ITGA9: variants seen among roughly 807,000 people sequenced by gnomAD.
ITGA9 encodes integrin subunit alpha 9.
In ITGA9, 56 loss-of-function variants were observed where a neutral mutation model predicts 127.8. The observed-to-expected ratio is 0.44, with a 90% CI of 0.35 to 0.55. ITGA9 has a LOEUF of 0.55. ITGA9 is among the 20% of genes least tolerant of loss of function. ITGA9 has a pLI of 0.00. For synonymous variants in ITGA9, 508 were observed against 514.5 expected (o/e 0.99, Z 0.17); for missense variants, 1,196 against 1,347.1 (o/e 0.89, Z 1.76).
At chr3:37,776,207 GGA>G (rs1243152224) in intron 23 of ITGA9, among the ~76,000 whole-genome samples, 1 of 152,120 alleles carries the variant, frequency 6.6e-6, no homozygotes, top group Non-Finnish European at 1.5e-5. Flanking sequence ...AGGAGGGAGA[GGA>G]GTAGAAAAAA....
Position 37,785,033 on chromosome 3 carries a change from C to T in ITGA9, c.2844C>T (p.Ala948=). The change falls in exon 26 of 28, where the codon GCC becomes GCT. Residue 948 remains alanine, a synonymous_variant. Transcript: ENST00000264741. ...MSRAKVKVDP[A]LRVVEIAHGN... is the part of the protein sequence containing the mutation. The stretch of plus-strand genomic sequence containing the variant: ...GCGCCAAGGTGAAGGTGGATCCTGC[C>T]CTAAGGGTGGTGGAAATAGCTCATG... 1 of 1,614,102 alleles carries T rather than the reference C, an allele frequency of 6.2e-7. No individual in the cohort carries two copies. The highest frequency in any genetic ancestry group is 8.5e-7 in the Non-Finnish European group (1 of 1,179,984).
chr3:37,601,735 A>G (rs1232287107), intron 15 of ITGA9, among the ~76,000 whole-genome samples: 5 of 152,250 alleles, frequency 3.3e-5, no homozygotes, highest in Admixed American at 2.0e-4. Context: ...TCACATATGT[A>G]TCAGAACTTG....
rs1393894765 is a variant in ITGA9, at chr3:37,576,721, AG to A, written c.1689+34137del. 3.9e-5 allele frequency among the ~76,000 whole-genome samples: 6 copies of A among 152,190 alleles called. No homozygotes were observed. The East Asian group carries it at 1.2e-3, about 29-fold the overall frequency. ...TCCCAGGCTCAAGCCATCCTCCCTC[AG>A]CCTCCCGAGTACCTGGGACTACAGG... On this transcript the variant is annotated intron_variant, in intron 15 of 27. Coordinates refer to ENST00000264741, the MANE Select transcript of ITGA9 (RefSeq NM_002207.3).
chr3:37,473,111 C>G (rs1046994859), intron 2 of ITGA9, among the ~76,000 whole-genome samples: 1 of 130,054 alleles, frequency 7.7e-6, no homozygotes, highest in African/African-American at 3.1e-5. Context: ...TGCACTCCAG[C>G]CTGGACGACA....
intron 13 of ITGA9, among the ~76,000 whole-genome samples, chr3:37,528,807 T>A (rs1329201837): frequency 6.6e-6 from 1 of 152,196 alleles, no homozygotes; most frequent in African/African-American, 2.4e-5. Context: ...AATTTGAGAG[T>A]ATGACTCCAT....
chr3:37,593,759 G>C (rs890555634), intron 15 of ITGA9, among the ~76,000 whole-genome samples: 3 of 152,250 alleles, frequency 2.0e-5, no homozygotes, highest in Non-Finnish European at 4.4e-5. Flanking sequence ...GTCCTCTTCT[G>C]TGTTGGGTAT....
At chr3:37,587,569 C>A in intron 15 of ITGA9, among the ~76,000 whole-genome samples, 1 of 152,154 alleles carries the variant, frequency 6.6e-6, no homozygotes, top group African/African-American at 2.4e-5. Context: ...TCCACCCACC[C>A]ATTACCCACC....
At chr3:37,541,612 A>G (rs1699270884) in intron 14 of ITGA9, among the ~76,000 whole-genome samples, 1 of 152,062 alleles carries the variant, frequency 6.6e-6, no homozygotes, top group African/African-American at 2.4e-5. Context: ...GCCATCTGGC[A>G]TACACATTCA....
chr3:37,819,652 G>GT lies in ITGA9; in HGVS notation c.*669dup, dbSNP rs1697487311. ...TAATGTGTGCTAAAGAACTGTAAGT[G>GT]TTTTTTCATATGTACTTTTCATTGG... On this transcript the variant is annotated 3_prime_UTR_variant, in exon 28 of 28. Transcript: ENST00000264741. 2 of 152,446 alleles carry GT rather than the reference G, an allele frequency of 1.3e-5. No individual in the cohort carries two copies. The highest frequency in any genetic ancestry group is 4.8e-5 in the African/African-American group (2 of 41,460). 9.4% of individuals were successfully genotyped at this position (152,446 alleles called of 1,614,324 possible). A position where few individuals can be genotyped will look rare whatever the true frequency, so the allele number is the denominator to read the frequency against.
At chr3:37,472,281 CAGAACT>C (rs1698441107) in intron 2 of ITGA9, among the ~76,000 whole-genome samples, 1 of 152,188 alleles carries the variant, frequency 6.6e-6, no homozygotes, top group Non-Finnish European at 1.5e-5. Context: ...GGTGAGTACA[CAGAACT>C]GTGCTTGGCA....
chr3:37,525,985 C>G (rs761106686), intron 12 of ITGA9, 41 bp from the exon 13 acceptor site: 12 of 1,593,582 alleles, frequency 7.5e-6, no homozygotes, highest in Non-Finnish European at 1.0e-5. Context: ...TGTGTATGGG[C>G]TTCAGCAAGT....
chr3:37,541,129 C>T (rs140899359), intron 14 of ITGA9, among the ~76,000 whole-genome samples: 75 of 152,312 alleles, frequency 4.9e-4, no homozygotes, highest in Middle Eastern at 3.4e-3. Context: ...CATTAAAAGC[C>T]GGAGCCTTCC....
chr3:37,782,996 T>A (rs900254768), intron 25 of ITGA9, among the ~76,000 whole-genome samples: 1 of 152,008 alleles, frequency 6.6e-6, no homozygotes, highest in Admixed American at 6.6e-5. Flanking sequence ...AAAATTAGCC[T>A]GGCATGGTGG....
intron 1 of ITGA9, among the ~76,000 whole-genome samples, chr3:37,468,204 C>T (rs552902484): frequency 1.1e-3 from 167 of 152,076 alleles, no homozygotes; most frequent in Middle Eastern, 0.01. Context: ...ATTGAGGAGC[C>T]GCAGGGCAGC....
intron 18 of ITGA9, among the ~76,000 whole-genome samples, chr3:37,696,900 A>G (rs1700890433): frequency 6.6e-6 from 1 of 152,216 alleles, no homozygotes; most frequent in South Asian, 2.1e-4. Context: ...TTAGAAATGC[A>G]GAATCTCAGG....
At chr3:37,648,476 A>G (rs549430230) in intron 16 of ITGA9, among the ~76,000 whole-genome samples, 1 of 152,020 alleles carries the variant, frequency 6.6e-6, no homozygotes, top group Non-Finnish European at 1.5e-5. Context: ...ATAAACAGAA[A>G]ATTATCCAGG....
chr3:37,573,303 C>T (rs1699620576), intron 15 of ITGA9: 1 of 152,212 alleles, frequency 6.6e-6, no homozygotes, highest in Non-Finnish European at 1.5e-5. Context: ...ACTTGGGGTT[C>T]TCATTCAGAT....
chr3:37,588,739 A>T (rs1413712381), intron 15 of ITGA9, among the ~76,000 whole-genome samples: 2 of 152,182 alleles, frequency 1.3e-5, no homozygotes. Flanking sequence ...AAGTCAGAGG[A>T]TGAAAGGGAC....
intron 13 of ITGA9, among the ~76,000 whole-genome samples, chr3:37,529,693 A>G (rs765655531): frequency 3.3e-5 from 5 of 152,180 alleles, no homozygotes; most frequent in Non-Finnish European, 2.9e-5. Context: ...CTTCACCCTC[A>G]TCTATGTGAA....
Sources: allele counts gnomAD v4.1 joint callset (sites outside exome capture counted in the v4.1 genomes callset), GRCh38; gene constraint gnomAD v4.1.1; transcripts MANE v1.5; gene names NCBI Gene and HGNC (gene_info 2026-07-23, HGNC 2026-07-21).